Variants in SIRT1 observed in about 807,000 individuals in gnomAD.
SIRT1 encodes the protein sirtuin 1.
SIRT1 carries 24 observed loss-of-function variants against 67.9 expected under a neutral mutation model. The ratio of observed to expected loss-of-function variants is 0.35; its 90% confidence interval spans 0.26 to 0.50. The LOEUF (loss-of-function observed/expected upper bound fraction) is 0.50. SIRT1 is among the 20% of genes least tolerant of loss of function. The pLI is 0.98. For synonymous variants in SIRT1, 378 were observed against 350.7 expected, an observed-to-expected ratio of 1.08 and a Z score of -0.87; for missense variants, 873 against 937.2, an observed-to-expected ratio of 0.93 and a Z score of 0.89.
At chr10:67,904,216 T>C (rs1373336812) in intron 4 of SIRT1, among the ~76,000 whole-genome samples, 1 of 146,766 alleles carries the variant, frequency 6.8e-6, no homozygotes, top group African/African-American at 2.5e-5. Context: ...AACCTCTACC[T>C]CCCTGGGCTC....
At chr10:67,913,921 G>T (rs1053173441) in intron 8 of SIRT1, among the ~76,000 whole-genome samples, 1 of 151,208 alleles carries the variant, frequency 6.6e-6, no homozygotes, top group African/African-American at 2.4e-5. Flanking sequence ...AGGCACTGTG[G>T]TAAGTTATGG....
intron 5 of SIRT1, among the ~76,000 whole-genome samples, chr10:67,907,411 C>A (rs763321533): frequency 6.8e-6 from 1 of 147,298 alleles, no homozygotes; most frequent in Non-Finnish European, 1.5e-5. Flanking sequence ...ACGAGAATCA[C>A]TTGAACCTGG....
chr10:67,905,701 A>AATGGAC (rs1338240559), intron 4 of SIRT1, among the ~76,000 whole-genome samples: 2 of 152,224 alleles, frequency 1.3e-5, no homozygotes, highest in African/African-American at 2.4e-5. Context: ...TGATTGATTA[A>AATGGAC]ATGGACATCT....
intron 4 of SIRT1, among the ~76,000 whole-genome samples, chr10:67,896,408 T>C (rs949299269): frequency 6.6e-6 from 1 of 152,180 alleles, no homozygotes; most frequent in African/African-American, 2.4e-5. Context: ...CCTTACAGAG[T>C]GTCGGGATTG....
In SIRT1 at chr10:67,916,876, AT is replaced by A. The variant is rs1308555906; in HGVS notation, c.*284del. The stretch of plus-strand genomic sequence containing the variant: ...AACTTTCTTTTAAAGGTTCATTTGT[AT>A]GATAAATTCATATGTGTATATATAA... On this transcript the variant is annotated 3_prime_UTR_variant, in exon 9 of 9. Coordinates refer to ENST00000212015, the MANE Select transcript of SIRT1 (RefSeq NM_012238.5). 1 of 223,380 alleles carries A rather than the reference AT, an allele frequency of 4.5e-6. No homozygotes were observed. The highest frequency in any genetic ancestry group is 8.6e-6 in the Non-Finnish European group (1 of 115,880). 13.8% of individuals were successfully genotyped at this position (223,380 alleles called of 1,614,324 possible).
In SIRT1 at chr10:67,885,122, A is replaced by AGGC. The variant is rs36062014; in HGVS notation, c.415_417dup (p.Ala139dup). The AGGC allele has an allele frequency of 3.3e-4, 481 of 1,436,894 alleles. No homozygotes were observed. Among genetic ancestry groups the AGGC allele is most frequent in the Admixed American group, 4.9e-4 (17 of 34,736 alleles). 89.0% of individuals were successfully genotyped at this position (1,436,894 alleles called of 1,614,324 possible). On this transcript the variant is annotated inframe_insertion, in exon 1 of 9. Coordinates refer to ENST00000212015, the MANE Select transcript of SIRT1 (RefSeq NM_012238.5). ...GACGACGAGGGCGAGGAGGAGGAAG[A>AGGC]GGCGGCGGCGGCGGCGATTGGGTAC...
At chr10:67,886,039 G>A (rs1589065822) in intron 1 of SIRT1, among the ~76,000 whole-genome samples, 1 of 136,256 alleles carries the variant, frequency 7.3e-6, no homozygotes, top group East Asian at 2.5e-4. Context: ...TCCGCCTCCC[G>A]CGTTCAACCG....
At chr10:67,893,504 G>T (rs1463347154) in intron 4 of SIRT1, among the ~76,000 whole-genome samples, 1 of 151,682 alleles carries the variant, frequency 6.6e-6, no homozygotes, top group Non-Finnish European at 1.5e-5. Flanking sequence ...TTGTGAATAG[G>T]GACTTCTTTA....
intron 5 of SIRT1, among the ~76,000 whole-genome samples, chr10:67,907,293 G>A (rs1431973303): frequency 1.3e-5 from 2 of 152,010 alleles, no homozygotes; most frequent in South Asian, 2.1e-4. Flanking sequence ...CCAAGAGTTC[G>A]AGAACAGCTT....
chr10:67,894,848 T>A (rs1190062151), intron 4 of SIRT1, among the ~76,000 whole-genome samples: 1 of 152,134 alleles, frequency 6.6e-6, no homozygotes, highest in South Asian at 2.1e-4. Flanking sequence ...TAGCTGGGAC[T>A]ACAGGCACGT....
At chr10:67,913,271 G>A (rs1306061734) in intron 8 of SIRT1, among the ~76,000 whole-genome samples, 1 of 152,096 alleles carries the variant, frequency 6.6e-6, no homozygotes, top group Non-Finnish European at 1.5e-5. Context: ...AAATAAGAAT[G>A]GGTTATTAGC....
chr10:67,899,948 G>C (rs1172345705), intron 4 of SIRT1, among the ~76,000 whole-genome samples: 1 of 152,108 alleles, frequency 6.6e-6, no homozygotes, highest in East Asian at 2.0e-4. Context: ...GCCGGCCGTG[G>C]TGGCAAGCGC....
chr10:67,888,465 G>A lies in SIRT1; in HGVS notation c.548-417G>A, dbSNP rs561278114. 1.5e-4 allele frequency among the ~76,000 whole-genome samples: 23 copies of A among 152,250 alleles called. No homozygotes were observed. The South Asian group carries it at 4.6e-3, about 30-fold the overall frequency. ...AAATTACCGGAAAAAAATTAAGATGGCAGTTATGTATAGATTTTCATTTCT... is the reference window on the plus strand; with the variant it reads ...AAATTACCGGAAAAAAATTAAGATGACAGTTATGTATAGATTTTCATTTCT... On this transcript the variant is annotated intron_variant, in intron 2 of 8. Coordinates refer to ENST00000212015, the MANE Select transcript of SIRT1 (RefSeq NM_012238.5).
At chr10:67,885,687 C>T (rs1842467310) in intron 1 of SIRT1, among the ~76,000 whole-genome samples, 2 of 152,058 alleles carry the variant, frequency 1.3e-5, no homozygotes, top group South Asian at 2.1e-4. Context: ...TTTCTATAGT[C>T]ACAGCTTGCA....
chr10:67,912,139 A>C (rs1202870068), intron 7 of SIRT1, among the ~76,000 whole-genome samples: 1 of 152,154 alleles, frequency 6.6e-6, no homozygotes, highest in Non-Finnish European at 1.5e-5. Flanking sequence ...TGACTAACTC[A>C]TTTAATCCTC....
At chr10:67,910,735 A>T (rs938749638) in intron 7 of SIRT1, among the ~76,000 whole-genome samples, 1 of 152,224 alleles carries the variant, frequency 6.6e-6, no homozygotes, top group Admixed American at 6.5e-5. Flanking sequence ...GTGTGTATAT[A>T]AAAGTGTTCA....
intron 1 of SIRT1, among the ~76,000 whole-genome samples, chr10:67,886,315 G>A (rs1842479928): frequency 6.6e-6 from 1 of 151,820 alleles, no homozygotes; most frequent in South Asian, 2.1e-4. Flanking sequence ...GGGTCAGGCC[G>A]GGCGCGGTGG....
intron 1 of SIRT1, among the ~76,000 whole-genome samples, chr10:67,887,043 T>A (rs1219211536): frequency 6.6e-6 from 1 of 152,070 alleles, no homozygotes; most frequent in African/African-American, 2.4e-5. Flanking sequence ...GGCTAATTTT[T>A]GTATTATTAG....
chr10:67,893,284 C>T (rs781722920), intron 4 of SIRT1, among the ~76,000 whole-genome samples: 1 of 152,160 alleles, frequency 6.6e-6, no homozygotes, highest in African/African-American at 2.4e-5. Flanking sequence ...TGTCCTAATG[C>T]TTTTCCACCC....
Sources: gnomAD v4.1 joint callset for allele counts (sites outside exome capture counted in the v4.1 genomes callset) on GRCh38, gnomAD v4.1.1 for gene constraint, MANE v1.5 for transcripts, NCBI Gene and HGNC (gene_info 2026-07-23, HGNC 2026-07-21) for gene names.